Variants in GALNT13 observed in about 807,000 individuals in gnomAD.
GALNT13 encodes polypeptide N-acetylgalactosaminyltransferase 13.
In GALNT13, 28 loss-of-function variants were observed where a neutral mutation model predicts 64.2. That is an observed-to-expected ratio of 0.44 (90% CI 0.32 to 0.60). The LOEUF (loss-of-function observed/expected upper bound fraction) is 0.60, where lower values mean the gene tolerates loss of function less well. Ranked by LOEUF, GALNT13 falls within the 20% of genes least tolerant of loss-of-function variation. GALNT13 has a pLI of 0.05. For synonymous variants in GALNT13, 214 were observed against 224.6 expected (o/e 0.95, Z 0.42); for missense variants, 577 against 669.8 (o/e 0.86, Z 1.53).
At chr2:153,402,247 A>T in the GALNT13 span, among the ~76,000 whole-genome samples, 5 of 151,546 alleles carry the variant, frequency 3.3e-5, no homozygotes, top group African/African-American at 1.2e-4. Flanking sequence ...AGAGTGTTGA[A>T]TATTGGCCCC....
intron 3 of GALNT13, among the ~76,000 whole-genome samples, chr2:154,126,451 T>C (rs1303888801): frequency 6.6e-6 from 1 of 151,760 alleles, no homozygotes; most frequent in Non-Finnish European, 1.5e-5. Context: ...CTGGCTAACA[T>C]GGTGAAACCC....
intron 2 of GALNT13, among the ~76,000 whole-genome samples, chr2:153,918,487 C>A (rs1352341073): frequency 2.0e-5 from 3 of 152,106 alleles, no homozygotes; most frequent in Admixed American, 6.6e-5. Flanking sequence ...AACCCACCAC[C>A]ACTCTTCTCC....
chr2:154,123,198 C>T (rs1227549858), intron 3 of GALNT13, among the ~76,000 whole-genome samples: 1 of 151,930 alleles, frequency 6.6e-6, no homozygotes, highest in Non-Finnish European at 1.5e-5. Context: ...CTTCTGAGAT[C>T]AAGGAACTTG....
intron 8 of GALNT13, among the ~76,000 whole-genome samples, chr2:154,300,799 T>C (rs78919827): frequency 0.042 from 6,343 of 152,192 alleles, 189 homozygotes; most frequent in Non-Finnish European, 0.058. Context: ...ATAATTGTAA[T>C]CAGTCCTAAA....
At chr2:153,794,053 G>A in the GALNT13 span, among the ~76,000 whole-genome samples, 3 of 152,202 alleles carry the variant, frequency 2.0e-5, no homozygotes, top group East Asian at 5.8e-4. Context: ...TAAAGTATCT[G>A]TTTTAACTTT....
At chr2:153,116,794 CTTTTTTTTTT>C in the GALNT13 span, among the ~76,000 whole-genome samples, 17 of 82,468 alleles carry the variant, frequency 2.1e-4, no homozygotes, top group Middle Eastern at 0.012. Context: ...GTGTTGTCTT[CTTTTTTTTTT>C]TTTTTTTTTT....
the GALNT13 span, among the ~76,000 whole-genome samples, chr2:153,727,675 C>A: frequency 1.3e-5 from 2 of 152,082 alleles, no homozygotes; most frequent in Non-Finnish European, 2.9e-5. Flanking sequence ...AAAACAATCA[C>A]CTGTGATTTC....
chr2:154,417,282 CAAA>C (rs35825821), intron 11 of GALNT13, among the ~76,000 whole-genome samples: 4 of 75,130 alleles, frequency 5.3e-5, no homozygotes, highest in African/African-American at 5.5e-5. Context: ...AAACAAGCAC[CAAA>C]AAAAAAAAAA....
chr2:153,567,973 A>G, the GALNT13 span, among the ~76,000 whole-genome samples: 2 of 152,224 alleles, frequency 1.3e-5, no homozygotes, highest in African/African-American at 4.8e-5. Context: ...AATGCAAGAC[A>G]GAGAAACGTG....
At chr2:153,988,660 A>T (rs1158843798) in intron 3 of GALNT13, among the ~76,000 whole-genome samples, 1 of 151,948 alleles carries the variant, frequency 6.6e-6, no homozygotes, top group Non-Finnish European at 1.5e-5. Context: ...TAAGTAGCTG[A>T]TGTTATACAG....
At chr2:153,869,031 C>T (rs967663332), upstream of GALNT13, among the ~76,000 whole-genome samples, 1 of 152,154 alleles carries the variant, frequency 6.6e-6, no homozygotes, top group African/African-American at 2.4e-5. Context: ...AGAATTAACA[C>T]ATACCCCTCA....
At chr2:153,993,135 A>G (rs1471933077) in intron 3 of GALNT13, among the ~76,000 whole-genome samples, 5 of 152,142 alleles carry the variant, frequency 3.3e-5, no homozygotes, top group Admixed American at 6.5e-5. Context: ...TTTACCAAGT[A>G]TGTGAAGTCA....
rs547717449 is a variant in GALNT13 at position 154,186,412 on chromosome 2, A to G, written c.311+45907A>G. ...GTTCTTTGGGCATGCTCTCCGTTTC[A>G]TCTCACAGAATTTTCAAAAGGTACA... On this transcript the variant is annotated intron_variant, in intron 4 of 12. Transcript: ENST00000392825. Among the ~76,000 whole-genome samples, 8 of 152,202 alleles carry G rather than the reference A, an allele frequency of 5.3e-5. No homozygotes were observed. The South Asian group carries it at 1.0e-3, about 20-fold the overall frequency.
At chr2:153,780,316 A>G in the GALNT13 span, among the ~76,000 whole-genome samples, 1 of 149,702 alleles carries the variant, frequency 6.7e-6, no homozygotes, top group South Asian at 2.1e-4. Flanking sequence ...AATTCCTCCT[A>G]AGCCTCCGTT....
intron 1 of GALNT13, among the ~76,000 whole-genome samples, chr2:153,891,348 G>A (rs1687540555): frequency 6.6e-6 from 1 of 151,960 alleles, no homozygotes; most frequent in South Asian, 2.1e-4. Flanking sequence ...CTATAAGAAT[G>A]TCTTCCATGT....
intron 2 of GALNT13, among the ~76,000 whole-genome samples, chr2:153,930,490 T>C (rs1690442608): frequency 6.6e-6 from 1 of 152,230 alleles, no homozygotes; most frequent in Non-Finnish European, 1.5e-5. Flanking sequence ...ATAGTCCATC[T>C]TGAGTTGACT....
chr2:154,361,792 T>C (rs2105286782), intron 9 of GALNT13, among the ~76,000 whole-genome samples: 1 of 152,274 alleles, frequency 6.6e-6, no homozygotes, highest in Middle Eastern at 3.4e-3. Flanking sequence ...ATGATTAGGC[T>C]TTTTAAATAA....
the GALNT13 span, among the ~76,000 whole-genome samples, chr2:153,786,737 C>A: frequency 6.6e-6 from 1 of 152,024 alleles, no homozygotes; most frequent in African/African-American, 2.4e-5. Flanking sequence ...GGAGGTGGAA[C>A]CCCCAGTGGC....
intron 1 of GALNT13, among the ~76,000 whole-genome samples, chr2:153,885,860 A>G (rs1161768396): frequency 6.6e-6 from 1 of 152,120 alleles, no homozygotes. Context: ...TAACGTGAGC[A>G]TATGGGTAGT....
Sources: allele counts gnomAD v4.1 joint callset (sites outside exome capture counted in the v4.1 genomes callset), GRCh38; gene constraint gnomAD v4.1.1; transcripts MANE v1.5; gene names NCBI Gene and HGNC (gene_info 2026-07-23, HGNC 2026-07-21).